The following TSC1 variants were observed in gnomAD, a reference collection of about 807,000 sequenced individuals.
TSC1 encodes hamartin.
A neutral mutation model predicts 124.3 loss-of-function variants in TSC1; 20 were observed. The observed-to-expected ratio is 0.16, with a 90% CI of 0.11 to 0.23. The LOEUF (loss-of-function observed/expected upper bound fraction) is 0.23, where lower values mean the gene tolerates loss of function less well. Ranked by LOEUF, TSC1 falls within the 10% of genes least tolerant of loss-of-function variation. TSC1 has a pLI of 1.00. For missense variants in TSC1, 1,124 were observed against 1,448.5 expected (o/e 0.78, Z 3.64); for synonymous variants, 493 against 539.1 (o/e 0.91, Z 1.19).
chr9:132,914,867 AAAAAGAG>A (rs943695786), intron 8 of TSC1, among the ~76,000 whole-genome samples: 21 of 151,268 alleles, frequency 1.4e-4, no homozygotes, highest in Middle Eastern at 3.5e-3. Context: ...AGACTCTGAA[AAAAAGAG>A]AAAAGAAAAT....
chr9:132,908,924 A>C (rs1187224332), intron 12 of TSC1, among the ~76,000 whole-genome samples: 1 of 102,182 alleles, frequency 9.8e-6, no homozygotes, highest in Non-Finnish European at 2.1e-5. Flanking sequence ...TTTTTGTGAC[A>C]GTCTTGCCCT....
intron 1 of TSC1, among the ~76,000 whole-genome samples, chr9:132,937,793 C>T (rs762427820): frequency 2.6e-5 from 4 of 152,144 alleles, no homozygotes; most frequent in Non-Finnish European, 4.4e-5. Context: ...TGGTTCACTG[C>T]GACCTTCGCC....
rs138445573 is a variant in TSC1, at chr9:132,896,663, G to A, written c.3067C>T (p.Pro1023Ser). Residue 1023 changes from proline to serine, a missense_variant, in exon 23 of 23, where the codon CCC (proline) becomes TCC (serine). Transcript: ENST00000298552. This position sits in a 1 kb window ranked among gnomAD's most constrained non-coding sequence, Gnocchi z 4.5. ...CCACTACTGCCCCGGGCGCTGCTGG[G>A]CCTGGGGGTCTTGGTCTCACCGTTG... ...GHNGETKTPR[P>S]SSARGSSGSR... 6.2e-6 allele frequency: 10 copies of A among 1,613,960 alleles called. No homozygotes were observed. Among genetic ancestry groups the A allele is most frequent in the Non-Finnish European group, 8.5e-6 (10 of 1,180,030 alleles).
chr9:132,904,053 G>A (rs949356445), intron 16 of TSC1, among the ~76,000 whole-genome samples: 1 of 152,116 alleles, frequency 6.6e-6, no homozygotes, highest in Non-Finnish European at 1.5e-5. Context: ...TTGAGAGCCT[G>A]CTTTCCTTTC....
At position 132,892,586 on chromosome 9, in the gene TSC1, C is replaced by T. The variant is rs993521796; in HGVS notation, c.*3649G>A. On this transcript the variant is annotated 3_prime_UTR_variant, in exon 23 of 23. Coordinates refer to ENST00000298552, the MANE Select transcript of TSC1 (RefSeq NM_000368.5). Reference sequence around the variant, plus strand: ...CTCACCAAGGTCCTGGCCGGGTCTTCGCTCTGCCCAAACCCTCCTCCAGCC... The same window carrying T: ...CTCACCAAGGTCCTGGCCGGGTCTTTGCTCTGCCCAAACCCTCCTCCAGCC... 3.4e-5 allele frequency: 8 copies of T among 233,412 alleles called. No individual in the cohort carries two copies. The highest frequency in any genetic ancestry group is 2.2e-4 in the Admixed American group (4 of 17,800). The allele number at this position is 233,412 out of a possible 1,614,324, so 14.5% of individuals were successfully genotyped here. A position where few individuals can be genotyped will look rare whatever the true frequency, so the allele number is the denominator to read the frequency against.
chr9:132,944,229 G>A (rs1362121846), intron 1 of TSC1, among the ~76,000 whole-genome samples: 2 of 152,088 alleles, frequency 1.3e-5, no homozygotes, highest in African/African-American at 4.8e-5. Flanking sequence ...GACTGACGAA[G>A]GGGCCCACCT....
rs1845931432 is a variant in TSC1 at position 132,911,076 on chromosome 9, G to A, written c.1067C>T (p.Thr356Ile). 1 of 1,614,148 alleles carries A rather than the reference G, an allele frequency of 6.2e-7. No individual in the cohort carries two copies. The highest frequency in any genetic ancestry group is 8.5e-7 in the Non-Finnish European group (1 of 1,180,026). Residue 356 changes from threonine (T) to isoleucine (I), a missense_variant, in exon 11 of 23, where the codon ACC becomes ATC. This residue lies in a region of TSC1 where 463 missense variants were observed against 606.8 expected (regional missense o/e 0.76). Transcript: ENST00000298552. ...ATTTCCAGGAGAAGTTGGAGGAGTG[G>A]TCATACCACAAACCATAGATGGGCT... is the stretch of plus-strand genomic sequence containing the variant. The part of the protein sequence containing the change: ...LWSPSMVCGM[T>I]TPPTSPGNVP...
rs1241954690 is a variant in TSC1 at position 132,925,691 on chromosome 9, A to C, written c.259T>G (p.Leu87Val). Reference sequence around the variant, plus strand: ...TGACCCAGTAACGAGAGGATGGATAAACGAGTGGCGGCTTTGCCCACATAT... The same window carrying C: ...TGACCCAGTAACGAGAGGATGGATACACGAGTGGCGGCTTTGCCCACATAT... ...NEYVGKAATR[L>V]SILSLLGHVI... Residue 87 changes from leucine to valine, a missense_variant, in exon 5 of 23, where the codon TTA becomes GTA. Physicochemically the swap from Leu to Val is conservative, Grantham distance 32. Coordinates refer to ENST00000298552, the MANE Select transcript of TSC1 (RefSeq NM_000368.5). The C allele has an allele frequency of 1.2e-6, 2 of 1,614,130 alleles. No homozygotes were observed. The highest frequency in any genetic ancestry group is 1.7e-6 in the Non-Finnish European group (2 of 1,180,054).
chr9:132,902,239 TA>T lies in TSC1; in HGVS notation c.2391+365del, dbSNP rs1342445468. Among the ~76,000 whole-genome samples the T allele has an allele frequency of 6.6e-6, 1 of 152,226 alleles. No homozygotes were observed. The highest frequency in any genetic ancestry group is 1.5e-5 in the Non-Finnish European group (1 of 68,050). On this transcript the variant is annotated intron_variant, in intron 18 of 22. Coordinates refer to ENST00000298552, the MANE Select transcript of TSC1 (RefSeq NM_000368.5). This position sits in a 1 kb window ranked among gnomAD's most constrained non-coding sequence, Gnocchi z 5.2. ...CACACGAGGCATTAGTAATTGCAAT[TA>T]TTTTTTTAAAAATTAATTTATGTGT...
In TSC1 at chr9:132,897,338, G is replaced by A. The variant is rs2131628647; in HGVS notation, c.2821C>T (p.Leu941=). 2 of 1,614,190 alleles carry A rather than the reference G, an allele frequency of 1.2e-6. No homozygotes were observed. The highest frequency in any genetic ancestry group is 1.7e-6 in the Non-Finnish European group (2 of 1,180,040). ...TCATACCTGCTCTCTGCGGCCTGCA[G>A]CTGTCCTCTGAAAGATACAGACCAG... ...EDVKLQARGQ[L]QAAESRYEAQ... Residue 941 remains leucine (L), a synonymous_variant, in exon 22 of 23, where the codon CTG becomes TTG. Coordinates refer to ENST00000298552, the MANE Select transcript of TSC1 (RefSeq NM_000368.5).
rs143719276 is a variant in TSC1, at chr9:132,934,557, G to A, written c.-81+476C>T. 7.3e-3 allele frequency: 1,110 copies of A among 152,666 alleles called. 12 individuals are homozygous for A. The highest frequency in any genetic ancestry group is 0.023 in the Middle Eastern group (7 of 300). 9.5% of individuals were successfully genotyped at this position (152,666 alleles called of 1,614,324 possible). On this transcript the variant is annotated intron_variant, in intron 2 of 22. Transcript: ENST00000298552. Reference sequence around the variant, plus strand: ...GCAGGTTAACTAAGGGATGGAATCCGGACATCACATTTGGTTTGTTTTTAT... The same window carrying A: ...GCAGGTTAACTAAGGGATGGAATCCAGACATCACATTTGGTTTGTTTTTAT...
In TSC1 at chr9:132,923,561, C is replaced by T; in HGVS notation, c.364-69G>A. On this transcript the variant is annotated intron_variant, in intron 5 of 22. Coordinates refer to ENST00000298552, the MANE Select transcript of TSC1 (RefSeq NM_000368.5). The surrounding 1 kb of genome is among the most constrained non-coding windows in gnomAD (Gnocchi z 4.2). Reference sequence around the variant, plus strand: ...GCACCAGGATCGGCATTGTACAGTACATGAAGAGGCTCTAAACACTGAGAG... The same window carrying T: ...GCACCAGGATCGGCATTGTACAGTATATGAAGAGGCTCTAAACACTGAGAG... 1 of 1,604,194 alleles carries T rather than the reference C, an allele frequency of 6.2e-7. No individual in the cohort carries two copies. Among genetic ancestry groups the T allele is most frequent in the Non-Finnish European group, 8.5e-7 (1 of 1,172,180 alleles).
Position 132,894,099 on chromosome 9 carries a change from A to T in TSC1, c.*2136T>A, listed in dbSNP as rs898878501. ...ATTTGTTATAAAGCTGAGTAAAAGGACACCCAGGCCGCATGGATGAGCTGA... is the reference window on the plus strand; with the variant it reads ...ATTTGTTATAAAGCTGAGTAAAAGGTCACCCAGGCCGCATGGATGAGCTGA... On this transcript the variant is annotated 3_prime_UTR_variant, in exon 23 of 23. Coordinates refer to ENST00000298552, the MANE Select transcript of TSC1 (RefSeq NM_000368.5). The T allele has an allele frequency of 3.4e-5, 8 of 233,628 alleles. No homozygotes were observed. Among genetic ancestry groups the T allele is most frequent in the African/African-American group, 1.8e-4 (8 of 45,460 alleles). The allele number at this position is 233,628 out of a possible 1,614,324, so 14.5% of individuals were successfully genotyped here.
chr9:132,920,281 C>T lies in TSC1; in HGVS notation c.737+1082G>A, dbSNP rs571759888. Reference sequence around the variant, plus strand: ...CCCTTCTCTTAACCAGGCTTTGCCTCCTAGTCAACTAGCTTTTCAAAACAA... The same window carrying T: ...CCCTTCTCTTAACCAGGCTTTGCCTTCTAGTCAACTAGCTTTTCAAAACAA... On this transcript the variant is annotated intron_variant, in intron 8 of 22. Coordinates refer to ENST00000298552, the MANE Select transcript of TSC1 (RefSeq NM_000368.5). Among the ~76,000 whole-genome samples the T allele has an allele frequency of 2.0e-4, 30 of 151,842 alleles. No homozygotes were observed. In the South Asian group the frequency reaches 2.3e-3, roughly 12 times the overall value.
intron 8 of TSC1, among the ~76,000 whole-genome samples, chr9:132,917,337 C>T (rs1846315666): frequency 6.6e-6 from 1 of 151,980 alleles, no homozygotes; most frequent in African/African-American, 2.4e-5. Flanking sequence ...GTTTTCTTCT[C>T]TCTCTTTTTC....
intron 1 of TSC1, among the ~76,000 whole-genome samples, chr9:132,935,754 T>A (rs1389899086): frequency 2.7e-5 from 4 of 150,346 alleles, no homozygotes; most frequent in Admixed American, 6.6e-5. Context: ...CTAAGCCACA[T>A]GCTCCCCATT....
chr9:132,907,710 G>A (rs901198995), intron 12 of TSC1, among the ~76,000 whole-genome samples: 1 of 152,126 alleles, frequency 6.6e-6, no homozygotes, highest in African/African-American at 2.4e-5. Flanking sequence ...GGCTGGTCAC[G>A]AACTCCCAAC....
rs1845022076 is a variant in TSC1, at chr9:132,896,231, T to C, written c.*4A>G. On this transcript the variant is annotated 3_prime_UTR_variant, in exon 23 of 23. Transcript: ENST00000298552. The surrounding 1 kb of genome is among the most constrained non-coding windows in gnomAD (Gnocchi z 4.5). Reference sequence around the variant, plus strand: ...GCAAGTTAACACTGATTGACCATCATTCCTTAGCTGTGTTCATGATGAGTC... The same window carrying C: ...GCAAGTTAACACTGATTGACCATCACTCCTTAGCTGTGTTCATGATGAGTC... The C allele has an allele frequency of 1.2e-6, 2 of 1,614,234 alleles. No homozygotes were observed. Among genetic ancestry groups the C allele is most frequent in the Non-Finnish European group, 1.7e-6 (2 of 1,180,046 alleles).
rs1325716530 is a variant in TSC1 at position 132,923,046 on chromosome 9, CA to C, written c.508+301del. On this transcript the variant is annotated intron_variant, in intron 6 of 22. Coordinates refer to ENST00000298552, the MANE Select transcript of TSC1 (RefSeq NM_000368.5). The surrounding 1 kb of genome is among the most constrained non-coding windows in gnomAD (Gnocchi z 4.2). ...CCACAAGCTTAGTCCTGTACTGCTG[CA>C]ATACAGACGGAGGCTGTTTTTCAGT... Among the ~76,000 whole-genome samples the C allele has an allele frequency of 6.6e-6, 1 of 152,204 alleles. No homozygotes were observed. The highest frequency in any genetic ancestry group is 1.5e-5 in the Non-Finnish European group (1 of 68,026).
Sources: gnomAD v4.1 joint callset for allele counts (sites outside exome capture counted in the v4.1 genomes callset) on GRCh38, gnomAD v4.1.1 for gene constraint, gnomAD v4.1.1 regional missense constraint, Gnocchi (gnomAD v3.1) non-coding constraint, MANE v1.5 for transcripts, NCBI Gene and HGNC (gene_info 2026-07-23, HGNC 2026-07-21) for gene names.